Variants in MCM3AP observed in about 807,000 individuals in gnomAD.
The protein encoded by MCM3AP is minichromosome maintenance complex component 3 associated protein.
In MCM3AP, 126 loss-of-function variants were observed where a neutral mutation model predicts 184.1. That is an observed-to-expected ratio of 0.68 (90% CI 0.59 to 0.79). MCM3AP has a LOEUF of 0.79. Ranked by LOEUF, MCM3AP falls within the 30% of genes least tolerant of loss-of-function variation. MCM3AP has a pLI of 0.00. For missense variants in MCM3AP, 2,496 were observed against 2,479.2 expected (o/e 1.01, Z -0.14); for synonymous variants, 1,002 against 979.3 (o/e 1.02, Z -0.43).
chr21:46,242,716 T>C, intron 25 of MCM3AP, 86 bp downstream of exon 25: 1 of 1,376,950 alleles, frequency 7.3e-7, no homozygotes, highest in Middle Eastern at 1.8e-4. Context: ...GGACTGGATT[T>C]GGCATGTAGG....
intron 6 of MCM3AP, 80 bp from the exon 7 acceptor site, chr21:46,273,665 A>C: frequency 4.9e-6 from 5 of 1,018,124 alleles, no homozygotes; most frequent in Non-Finnish European, 7.6e-6. Flanking sequence ...ATGAGGGGGA[A>C]AATCACATAC....
At chr21:46,282,987 A>G (rs2081352336) in intron 2 of MCM3AP, among the ~76,000 whole-genome samples, 1 of 151,326 alleles carries the variant, frequency 6.6e-6, no homozygotes, top group African/African-American at 2.4e-5. Flanking sequence ...GTGCAGTGGC[A>G]CGAACTCGGC....
At chr21:46,240,189 G>A (rs1026290814) in intron 26 of MCM3AP, among the ~76,000 whole-genome samples, 1 of 152,142 alleles carries the variant, frequency 6.6e-6, no homozygotes, top group Non-Finnish European at 1.5e-5. Flanking sequence ...CCCAGGGAAG[G>A]GCTGACTGAC....
intron 14 of MCM3AP, 143 bp from the exon 15 acceptor site, chr21:46,261,049 C>T (rs1317845788): frequency 2.3e-5 from 19 of 819,422 alleles, no homozygotes; most frequent in African/African-American, 5.1e-5. Context: ...TCCCCTGACA[C>T]CACCTCCCTT....
At chr21:46,235,478 A>C in intron 27 of MCM3AP, 52 bp from the exon 28 acceptor site, 1 of 1,500,294 alleles carries the variant, frequency 6.7e-7, no homozygotes, top group South Asian at 1.1e-5. Flanking sequence ...ATAAACCACG[A>C]CCTATCTCTG....
rs757649348 is a variant in MCM3AP, at chr21:46,284,472, T to G, written c.815A>C (p.Gln272Pro). ...CTGGGAAACAGCTTCTTCACACCCC[T>G]GCCTGACACCTGCTTTGCTAGCCTG... is the stretch of plus-strand genomic sequence containing the variant. ...PFQASKAGVR[Q>P]GCEEAVSQVE... Residue 272 changes from glutamine to proline, a missense_variant, in exon 1 of 28, where the codon CAG becomes CCG. Gln to Pro is a moderately conservative substitution (Grantham distance 76, BLOSUM62 -1). Coordinates refer to ENST00000291688, the MANE Select transcript of MCM3AP (RefSeq NM_003906.5). The G allele has an allele frequency of 6.2e-7, 1 of 1,614,166 alleles. No homozygotes were observed. The highest frequency in any genetic ancestry group is 2.2e-5 in the East Asian group (1 of 44,888).
At chr21:46,262,570 C>T (rs1018470729) in intron 13 of MCM3AP, among the ~76,000 whole-genome samples, 1 of 151,882 alleles carries the variant, frequency 6.6e-6, no homozygotes, top group Non-Finnish European at 1.5e-5. Context: ...ATGGCTTGAG[C>T]CTAGAAGATC....
chr21:46,280,147 T>C lies in MCM3AP; in HGVS notation c.1523-10A>G, dbSNP rs1416525138. 8.1e-6 allele frequency: 13 copies of C among 1,613,648 alleles called. No homozygotes were observed. Among genetic ancestry groups the C allele is most frequent in the South Asian group, 3.3e-5 (3 of 91,044 alleles). ...GGTTTCTTATTGGGGCCTGTGGACA[T>C]AGGAGGCAGAAAAGAGTTTATGCAA... On this transcript the variant is annotated splice_polypyrimidine_tract_variant and intron_variant, in intron 3 of 27. Transcript: ENST00000291688.
At chr21:46,270,054 G>A (rs1193102612) in intron 9 of MCM3AP, among the ~76,000 whole-genome samples, 3 of 152,122 alleles carry the variant, frequency 2.0e-5, no homozygotes, top group Admixed American at 6.6e-5. Flanking sequence ...AAAACATGAA[G>A]CATTTCAAAG....
chr21:46,236,681 G>C (rs1242776217), intron 27 of MCM3AP, 148 bp downstream of exon 27: 1 of 585,164 alleles, frequency 1.7e-6, no homozygotes, highest in African/African-American at 1.9e-5. Context: ...CAATGATATG[G>C]ATAAAGTTTA....
chr21:46,262,985 A>G (rs909951763), intron 13 of MCM3AP, among the ~76,000 whole-genome samples: 6 of 149,878 alleles, frequency 4.0e-5, no homozygotes, highest in African/African-American at 9.8e-5. Context: ...AAAAAAAAAA[A>G]AAAGAAATGG....
chr21:46,265,182 G>C (rs1341354469), intron 12 of MCM3AP, 139 bp downstream of exon 12: 3 of 700,468 alleles, frequency 4.3e-6, no homozygotes, highest in Non-Finnish European at 7.1e-6. Context: ...ACCTGAGGCT[G>C]AGTGACTCTA....
chr21:46,236,218 T>C (rs767917572), intron 27 of MCM3AP: 2 of 152,252 alleles, frequency 1.3e-5, no homozygotes, highest in African/African-American at 4.8e-5. Context: ...TTCTCCTCTA[T>C]TGAAGGACTT....
intron 20 of MCM3AP, chr21:46,247,121 AC>A (rs1230405252): frequency 6.8e-6 from 3 of 441,842 alleles, no homozygotes; most frequent in Non-Finnish European, 1.2e-5. Context: ...ACTCCCCTCA[AC>A]CTTTTTTTTT....
At chr21:46,282,689 C>T (rs2145721856) in intron 2 of MCM3AP, among the ~76,000 whole-genome samples, 1 of 151,904 alleles carries the variant, frequency 6.6e-6, no homozygotes, top group East Asian at 2.0e-4. Context: ...CCTGTAGTTC[C>T]AGCTACTCCG....
At chr21:46,254,582 G>A (rs1265534014) in intron 18 of MCM3AP, 56 bp from the exon 19 acceptor site, 16 of 1,598,068 alleles carry the variant, frequency 1.0e-5, no homozygotes, top group Non-Finnish European at 1.4e-5. Flanking sequence ...TGCAGGAGCA[G>A]CACACACATC....
Position 46,235,136 on chromosome 21 carries a change from C to CA in MCM3AP, c.*131dup. The CA allele has an allele frequency of 9.9e-7, 1 of 1,005,654 alleles. No individual in the cohort carries two copies. Among genetic ancestry groups the CA allele is most frequent in the Non-Finnish European group, 1.4e-6 (1 of 694,892 alleles). The allele number at this position is 1,005,654 out of a possible 1,614,324, so 62.3% of individuals were successfully genotyped here. On this transcript the variant is annotated 3_prime_UTR_variant, in exon 28 of 28. Transcript: ENST00000291688. ...TCATTATGAAAAACTGGGAGACTGA[C>CA]ATTTAAATGGTTTATCTGCATGATT...
Position 46,273,832 on chromosome 21 carries a change from T to A in MCM3AP, c.1999-247A>T, listed in dbSNP as rs561752266. Among the ~76,000 whole-genome samples the A allele has an allele frequency of 2.3e-4, 35 of 152,170 alleles. No individual in the cohort carries two copies. The South Asian group carries it at 6.6e-3, about 29-fold the overall frequency. On this transcript the variant is annotated intron_variant, in intron 6 of 27. Coordinates refer to ENST00000291688, the MANE Select transcript of MCM3AP (RefSeq NM_003906.5). ...AGTGCGTCATGACAAACAGGAGGAA[T>A]GTTAAGTGAAGGCACATCTGCTAGC...
Position 46,280,029 on chromosome 21 carries a change from G to A in MCM3AP, c.1631C>T (p.Ala544Val), listed in dbSNP as rs566241396. Reference protein sequence around the residue: ...PFQHSPLGKAAGRTGASSLLN... With the variant: ...PFQHSPLGKAVGRTGASSLLN... ...GAGGCTGCTAGCACCAGTCCTCCCT[G>A]CGGCCTTGCCAAGAGGAGAGTGCTG... Residue 544 changes from alanine to valine, a missense_variant, in exon 4 of 28, where the codon GCA (alanine) becomes GTA (valine). Coordinates refer to ENST00000291688, the MANE Select transcript of MCM3AP (RefSeq NM_003906.5). 1 of 1,614,058 alleles carries A rather than the reference G, an allele frequency of 6.2e-7. No homozygotes were observed. The highest frequency in any genetic ancestry group is 2.2e-5 in the East Asian group (1 of 44,882).
Sources: allele counts gnomAD v4.1 joint callset (sites outside exome capture counted in the v4.1 genomes callset), GRCh38; gene constraint gnomAD v4.1.1; transcripts MANE v1.5; gene names NCBI Gene and HGNC (gene_info 2026-07-23, HGNC 2026-07-21).